ACAD10: variants seen among roughly 807,000 people sequenced by gnomAD.
ACAD10 encodes the protein acyl-CoA dehydrogenase family member 10.
ACAD10 carries 112 observed loss-of-function variants against 116.8 expected under a neutral mutation model. That is an observed-to-expected ratio of 0.96 (90% CI 0.82 to 1.12). The LOEUF (loss-of-function observed/expected upper bound fraction) is 1.12. Among genes scored for constraint, ACAD10 ranks in the 50% most tolerant of loss-of-function variants. ACAD10 has a pLI of 0.00. For synonymous variants in ACAD10, 486 were observed against 510.6 expected (o/e 0.95, Z 0.65); for missense variants, 1,259 against 1,350.2 (o/e 0.93, Z 1.06).
At chr12:111,746,011 T>A in intron 13 of ACAD10, 133 bp from the exon 14 acceptor site, 1 of 1,123,020 alleles carries the variant, frequency 8.9e-7, no homozygotes, top group Non-Finnish European at 1.2e-6. Context: ...CAGCTCCTCA[T>A]ATCATTTTTT....
chr12:111,693,283 A>C (rs573996196), intron 2 of ACAD10: 14 of 186,392 alleles, frequency 7.5e-5, no homozygotes, highest in Non-Finnish European at 1.6e-4. Context: ...TGAAGCCTGT[A>C]ATCCCAGCAC....
intron 2 of ACAD10, 62 bp downstream of exon 2, chr12:111,692,958 A>G (rs1246118807): frequency 6.4e-6 from 10 of 1,567,708 alleles, no homozygotes; most frequent in African/African-American, 1.3e-5. Flanking sequence ...ATGGAGGGTG[A>G]TCGGGAAGGC....
Position 111,744,775 on chromosome 12 carries a change from G to T in ACAD10, c.1847G>T (p.Arg616Met). ...ATGCCCTTCACAAATCCGTTAACAA[G>T]GTCCTACCACACGTGGGCCAGGCCC... Reference protein sequence around the residue: ...KEMPFTNPLTRSYHTWARPQS... With the variant: ...KEMPFTNPLTMSYHTWARPQS... Residue 616 changes from arginine to methionine, a missense_variant, in exon 13 of 21, where the codon AGG becomes ATG. Physicochemically the swap from Arg to Met is moderately conservative, Grantham distance 91. Transcript: ENST00000313698. The T allele has an allele frequency of 6.2e-7, 1 of 1,614,244 alleles. No individual in the cohort carries two copies. Among genetic ancestry groups the T allele is most frequent in the Non-Finnish European group, 8.5e-7 (1 of 1,180,046 alleles).
chr12:111,722,997 G>A (rs1166421212), intron 8 of ACAD10, among the ~76,000 whole-genome samples: 16 of 150,520 alleles, frequency 1.1e-4, no homozygotes, highest in Admixed American at 4.6e-4. Context: ...CGGACGGGGC[G>A]GGTGGCCGGG....
chr12:111,734,953 G>A (rs770793179), intron 11 of ACAD10, among the ~76,000 whole-genome samples: 4 of 152,086 alleles, frequency 2.6e-5, no homozygotes, highest in Non-Finnish European at 5.9e-5. Flanking sequence ...GCCGGGCGCG[G>A]TGGCCCACGC....
rs956937811 is a variant in ACAD10, at chr12:111,730,813, G to A, written c.1394+857G>A. Among the ~76,000 whole-genome samples the A allele has an allele frequency of 6.6e-5, 10 of 150,690 alleles. No homozygotes were observed. The South Asian group carries it at 1.0e-3, about 16-fold the overall frequency. On this transcript the variant is annotated intron_variant, in intron 10 of 20. Coordinates refer to ENST00000313698, the MANE Select transcript of ACAD10 (RefSeq NM_025247.6). ...GTCGCCCAGGCTGGAGTGCAGTGGCGTGATCTCAGCTCACTGCCTACCCCA... is the reference window on the plus strand; with the variant it reads ...GTCGCCCAGGCTGGAGTGCAGTGGCATGATCTCAGCTCACTGCCTACCCCA...
intron 4 of ACAD10, among the ~76,000 whole-genome samples, chr12:111,709,067 A>G (rs1004583148): frequency 6.6e-6 from 1 of 152,050 alleles, no homozygotes; most frequent in African/African-American, 2.4e-5. Flanking sequence ...AAAATGGCGA[A>G]ATGCTTTCCG....
chr12:111,717,517 T>C (rs1005962167), intron 7 of ACAD10, among the ~76,000 whole-genome samples: 1 of 151,974 alleles, frequency 6.6e-6, no homozygotes, highest in Non-Finnish European at 1.5e-5. Context: ...ATGTGTATGA[T>C]AAAATTTTAA....
chr12:111,696,228 T>C (rs77668651), intron 2 of ACAD10, among the ~76,000 whole-genome samples: 1 of 151,810 alleles, frequency 6.6e-6, no homozygotes, highest in Non-Finnish European at 1.5e-5. Flanking sequence ...CTAATTTTTG[T>C]TTTTTATAGA....
intron 12 of ACAD10, among the ~76,000 whole-genome samples, chr12:111,743,259 C>T (rs1260655279): frequency 6.6e-6 from 1 of 151,968 alleles, no homozygotes; most frequent in East Asian, 1.9e-4. Flanking sequence ...ATGGGACATC[C>T]TGGAAGAGAC....
intron 19 of ACAD10, among the ~76,000 whole-genome samples, chr12:111,754,116 G>A (rs917370967): frequency 6.6e-6 from 1 of 152,222 alleles, no homozygotes; most frequent in African/African-American, 2.4e-5. Flanking sequence ...GAGCTGCTTA[G>A]TCCAAGGCAG....
intron 8 of ACAD10, among the ~76,000 whole-genome samples, chr12:111,725,404 C>G (rs545748604): frequency 6.6e-6 from 1 of 152,176 alleles, no homozygotes; most frequent in African/African-American, 2.4e-5. Context: ...TACCTACTTA[C>G]CCGGAAGATT....
chr12:111,747,734 C>T, intron 16 of ACAD10: 1 of 1,120,812 alleles, frequency 8.9e-7, no homozygotes, highest in Non-Finnish European at 1.1e-6. Context: ...AGGTGTGTTA[C>T]ATCCTAAGGG....
At chr12:111,713,641 AG>A (rs1023345432) in intron 6 of ACAD10, among the ~76,000 whole-genome samples, 3 of 151,130 alleles carry the variant, frequency 2.0e-5, no homozygotes, top group African/African-American at 7.3e-5. Flanking sequence ...AAAAAGGAAA[AG>A]AAAAAAAAAA....
At chr12:111,739,689 C>T (rs762306464) in intron 12 of ACAD10, among the ~76,000 whole-genome samples, 28 of 151,596 alleles carry the variant, frequency 1.8e-4, no homozygotes, top group Non-Finnish European at 3.4e-4. Context: ...ACCCAGGAGG[C>T]GGAGGTTGCG....
intron 2 of ACAD10, among the ~76,000 whole-genome samples, chr12:111,693,643 C>T (rs951464287): frequency 1.3e-5 from 2 of 152,122 alleles, no homozygotes; most frequent in African/African-American, 4.8e-5. Flanking sequence ...TTACAGCCTT[C>T]CTCCCTTCTA....
intron 3 of ACAD10, 59 bp downstream of exon 3, chr12:111,702,369 C>G (rs187770621): frequency 1.3e-6 from 2 of 1,576,090 alleles, no homozygotes; most frequent in Non-Finnish European, 1.7e-6. Context: ...GTAGTGGTTG[C>G]AACATTCATG....
chr12:111,748,487 A>T lies in ACAD10; in HGVS notation c.2644+12A>T, dbSNP rs1489421259. 6.2e-7 allele frequency: 1 copy of T among 1,612,498 alleles called. No homozygotes were observed. On this transcript the variant is annotated intron_variant, in intron 17 of 20. Transcript: ENST00000313698. ...GGAAGATGCACCAGGTGAGACCTCCAGGGGCGGGTCACCCCTGGGTGTGGG... is the reference window on the plus strand; with the variant it reads ...GGAAGATGCACCAGGTGAGACCTCCTGGGGCGGGTCACCCCTGGGTGTGGG...
chr12:111,742,687 C>G (rs1244567763), intron 12 of ACAD10, among the ~76,000 whole-genome samples: 1 of 152,010 alleles, frequency 6.6e-6, no homozygotes, highest in African/African-American at 2.4e-5. Flanking sequence ...TAGTAAGGCC[C>G]CATCTCTTAT....
Sources: allele counts gnomAD v4.1 joint callset (sites outside exome capture counted in the v4.1 genomes callset), GRCh38; gene constraint gnomAD v4.1.1; transcripts MANE v1.5; gene names NCBI Gene and HGNC (gene_info 2026-07-23, HGNC 2026-07-21).